Variants in ERC2 observed in about 807,000 individuals in gnomAD.
ERC2 encodes the protein ELKS/RAB6-interacting/CAST family member 2.
A neutral mutation model predicts 114.8 loss-of-function variants in ERC2; 42 were observed. The observed-to-expected ratio is 0.37, with a 90% CI of 0.29 to 0.47. The LOEUF (loss-of-function observed/expected upper bound fraction) is 0.47, where lower values mean the gene tolerates loss of function less well. ERC2 is among the 20% of genes least tolerant of loss of function. The pLI is 0.99. For synonymous variants in ERC2, 454 were observed against 425.5 expected, an observed-to-expected ratio of 1.07 and a Z score of -0.82; for missense variants, 939 against 1,150.7, an observed-to-expected ratio of 0.82 and a Z score of 2.66.
intron 6 of ERC2, among the ~76,000 whole-genome samples, chr3:56,086,350 C>T (rs927021191): frequency 2.6e-5 from 4 of 152,088 alleles, no homozygotes; most frequent in African/African-American, 9.7e-5. Flanking sequence ...GAGCCTGTGC[C>T]AGCTGAGGTC....
chr3:56,376,975 C>T (rs1576658508), intron 2 of ERC2, among the ~76,000 whole-genome samples: 1 of 152,102 alleles, frequency 6.6e-6, no homozygotes, highest in East Asian at 1.9e-4. Flanking sequence ...GGGTAAGAAG[C>T]ACATGTAATT....
At chr3:56,309,228 G>A (rs2056402910) in intron 2 of ERC2, among the ~76,000 whole-genome samples, 1 of 152,200 alleles carries the variant, frequency 6.6e-6, no homozygotes, top group Non-Finnish European at 1.5e-5. Context: ...AAAGAATATG[G>A]ATAGGTGATT....
intron 12 of ERC2, among the ~76,000 whole-genome samples, chr3:55,966,682 C>G (rs769827970): frequency 6.6e-6 from 1 of 152,144 alleles, no homozygotes; most frequent in Non-Finnish European, 1.5e-5. Context: ...AAATTCATGT[C>G]ACTTTCCTAA....
intron 15 of ERC2, among the ~76,000 whole-genome samples, chr3:55,711,054 C>T (rs1576255137): frequency 1.3e-5 from 2 of 152,120 alleles, no homozygotes; most frequent in Non-Finnish European, 2.9e-5. Flanking sequence ...ACCACAGGCC[C>T]GACTCATGTC....
chr3:55,573,143 A>C (rs2056807191), intron 17 of ERC2, among the ~76,000 whole-genome samples: 2 of 152,202 alleles, frequency 1.3e-5, no homozygotes, highest in Admixed American at 1.3e-4. Flanking sequence ...TATGTTATGG[A>C]ATGACAGGAC....
intron 17 of ERC2, among the ~76,000 whole-genome samples, chr3:55,580,448 T>A (rs963301096): frequency 2.0e-5 from 3 of 152,232 alleles, no homozygotes; most frequent in Non-Finnish European, 4.4e-5. Flanking sequence ...CAAATGCATT[T>A]CCTTTGGAAA....
chr3:56,429,993 G>A (rs1315569769), intron 2 of ERC2, among the ~76,000 whole-genome samples: 1 of 152,156 alleles, frequency 6.6e-6, no homozygotes, highest in Non-Finnish European at 1.5e-5. Flanking sequence ...CATATAAGAA[G>A]GAAAGGGCTG....
chr3:56,032,822 T>C (rs1355698020), intron 7 of ERC2, among the ~76,000 whole-genome samples: 6 of 130,770 alleles, frequency 4.6e-5, no homozygotes, highest in African/African-American at 1.4e-4. Context: ...AGAAACATAG[T>C]GAGACCCTGT....
chr3:56,229,862 CTTTTTTTTTTT>C (rs34357962), intron 3 of ERC2, among the ~76,000 whole-genome samples: 2 of 56,628 alleles, frequency 3.5e-5, no homozygotes, highest in Admixed American at 2.3e-4. Context: ...AATATCTAGT[CTTTTTTTTTTT>C]TTTTTTTTTT....
At chr3:55,818,339 A>C (rs2059984318) in intron 14 of ERC2, among the ~76,000 whole-genome samples, 1 of 152,226 alleles carries the variant, frequency 6.6e-6, no homozygotes, top group Non-Finnish European at 1.5e-5. Context: ...ATAGTCAATA[A>C]ATCCTAAAAG....
At chr3:56,411,823 A>C (rs566997576) in intron 2 of ERC2, among the ~76,000 whole-genome samples, 1 of 152,246 alleles carries the variant, frequency 6.6e-6, no homozygotes, top group African/African-American at 2.4e-5. Context: ...TAACCACTGC[A>C]CCAAACTGCC....
chr3:55,656,880 G>T (rs1387697913), intron 17 of ERC2, among the ~76,000 whole-genome samples: 1 of 152,226 alleles, frequency 6.6e-6, no homozygotes, highest in African/African-American at 2.4e-5. Context: ...AGTAGAAGGG[G>T]TCACGATGAA....
chr3:55,804,772 G>A (rs2059429187), intron 14 of ERC2, among the ~76,000 whole-genome samples: 1 of 152,030 alleles, frequency 6.6e-6, no homozygotes, highest in African/African-American at 2.4e-5. Context: ...AAATGAAATA[G>A]CCACCATCAT....
intron 17 of ERC2, among the ~76,000 whole-genome samples, chr3:55,625,746 G>A (rs1461968192): frequency 3.3e-5 from 5 of 151,852 alleles, no homozygotes; most frequent in African/African-American, 7.3e-5. Context: ...GCGAGACTCC[G>A]TCTCAAAAAG....
At chr3:55,804,199 C>T (rs780262378) in intron 14 of ERC2, among the ~76,000 whole-genome samples, 5 of 152,108 alleles carry the variant, frequency 3.3e-5, no homozygotes, top group Non-Finnish European at 5.9e-5. Context: ...CTCTCACATC[C>T]TCTTGGTCTA....
At chr3:55,760,709 T>C (rs1253019456) in intron 14 of ERC2, among the ~76,000 whole-genome samples, 1 of 152,238 alleles carries the variant, frequency 6.6e-6, no homozygotes, top group African/African-American at 2.4e-5. Context: ...TCTGCTAGTC[T>C]GCATGGAGGT....
At chr3:56,221,906 A>C (rs1012306206) in intron 3 of ERC2, among the ~76,000 whole-genome samples, 1 of 152,198 alleles carries the variant, frequency 6.6e-6, no homozygotes, top group African/African-American at 2.4e-5. Flanking sequence ...CAAAACAAAA[A>C]AAAAAATCTA....
At chr3:56,357,345 C>T (rs533623942) in intron 2 of ERC2, among the ~76,000 whole-genome samples, 47 of 152,324 alleles carry the variant, frequency 3.1e-4, no homozygotes, top group African/African-American at 9.9e-4. Flanking sequence ...TCTATTCTCA[C>T]GTGAGCCAAT....
At chr3:56,432,071 A>G (rs1364629433) in intron 2 of ERC2, among the ~76,000 whole-genome samples, 1 of 152,262 alleles carries the variant, frequency 6.6e-6, no homozygotes, top group African/African-American at 2.4e-5. Context: ...AAATGTTTTT[A>G]ATAAAAGTGG....
Sources: gnomAD v4.1 joint callset for allele counts (sites outside exome capture counted in the v4.1 genomes callset) on GRCh38, gnomAD v4.1.1 for gene constraint, MANE v1.5 for transcripts, NCBI Gene and HGNC (gene_info 2026-07-23, HGNC 2026-07-21) for gene names.